The following USP32 variants were observed in gnomAD, a reference collection of about 807,000 sequenced individuals.
USP32 encodes ubiquitin carboxyl-terminal hydrolase 32.
USP32 carries 59 observed loss-of-function variants against 204.8 expected under a neutral mutation model. That is an observed-to-expected ratio of 0.29 (90% CI 0.23 to 0.36). The LOEUF (loss-of-function observed/expected upper bound fraction) is 0.36. Ranked by LOEUF, USP32 falls within the 10% of genes least tolerant of loss-of-function variation. The pLI is 1.00. For missense variants in USP32, 1,160 were observed against 1,946.4 expected, an observed-to-expected ratio of 0.60 and a Z score of 7.60; for synonymous variants, 517 against 678.4, an observed-to-expected ratio of 0.76 and a Z score of 3.70.
At chr17:60,200,089 G>A (rs2084635943) in intron 26 of USP32, among the ~76,000 whole-genome samples, 1 of 152,104 alleles carries the variant, frequency 6.6e-6, no homozygotes, top group Admixed American at 6.5e-5. Context: ...AGCTACTCGG[G>A]AGGCTGAGGC....
chr17:60,295,078 A>T (rs1470584007), intron 3 of USP32, among the ~76,000 whole-genome samples: 1 of 152,230 alleles, frequency 6.6e-6, no homozygotes. Context: ...CACTGTTAAT[A>T]GGAGCACAAA....
Position 60,200,560 on chromosome 17 carries a change from C to CAA in USP32, c.3250-2118_3250-2117dup, listed in dbSNP as rs1301527598. On this transcript the variant is annotated intron_variant, in intron 26 of 33. Transcript: ENST00000300896. ...GGGCAACAAGAGTGAAACTCCATTGCAAAAAAAAAAAAAAAGTACATTTCA... is the reference window on the plus strand; with the variant it reads ...GGGCAACAAGAGTGAAACTCCATTGCAAAAAAAAAAAAAAAAAGTACATTTCA... Among the ~76,000 whole-genome samples the CAA allele has an allele frequency of 3.1e-3, 330 of 106,638 alleles. 1 individual carries two copies. Among genetic ancestry groups the CAA allele is most frequent in the African/African-American group, 0.01 (303 of 30,238 alleles). The allele number at this position is 106,638 out of a possible 152,430, so 70.0% of individuals were successfully genotyped here.
At chr17:60,413,876 G>GAA (rs753405307) in intron 1 of USP32, among the ~76,000 whole-genome samples, 973 of 95,156 alleles carry the variant, frequency 0.01, 17 homozygotes, top group African/African-American at 0.035. Flanking sequence ...AAAAAAAAAA[G>GAA]AAAAAAAAAA....
At chr17:60,379,374 T>C (rs940572465) in intron 1 of USP32, among the ~76,000 whole-genome samples, 1 of 152,128 alleles carries the variant, frequency 6.6e-6, no homozygotes, top group Admixed American at 6.6e-5. Context: ...TTCACTGACA[T>C]AGGGAAATGC....
At chr17:60,368,301 T>C (rs1474382940) in intron 1 of USP32, among the ~76,000 whole-genome samples, 1 of 152,264 alleles carries the variant, frequency 6.6e-6, no homozygotes, top group Non-Finnish European at 1.5e-5. Flanking sequence ...TGTAATTTTT[T>C]AACGCAATAG....
At chr17:60,307,452 G>A (rs944645158) in intron 2 of USP32, among the ~76,000 whole-genome samples, 8 of 152,028 alleles carry the variant, frequency 5.3e-5, no homozygotes, top group Non-Finnish European at 8.8e-5. Context: ...TTACAAATTC[G>A]ATGCAATCCC....
chr17:60,246,047 G>A (rs2086015053), intron 11 of USP32, among the ~76,000 whole-genome samples: 1 of 151,772 alleles, frequency 6.6e-6, no homozygotes, highest in Admixed American at 6.6e-5. Context: ...GAATCTTCTA[G>A]CTAATTTGAA....
intron 1 of USP32, among the ~76,000 whole-genome samples, chr17:60,410,922 T>C (rs902922548): frequency 6.7e-6 from 1 of 148,432 alleles, no homozygotes; most frequent in South Asian, 2.1e-4. Context: ...CTACTAAAAA[T>C]ACAAAAATTA....
At chr17:60,238,428 G>C (rs768324709) in intron 11 of USP32, among the ~76,000 whole-genome samples, 1 of 152,078 alleles carries the variant, frequency 6.6e-6, no homozygotes, top group Non-Finnish European at 1.5e-5. Context: ...AGCACTTTGG[G>C]AGGCTGAGGC....
At chr17:60,277,727 G>A (rs968648977) in intron 5 of USP32, among the ~76,000 whole-genome samples, 1 of 152,122 alleles carries the variant, frequency 6.6e-6, no homozygotes, top group Admixed American at 6.5e-5. Flanking sequence ...TCAGAATCCA[G>A]ATTCTACCAT....
chr17:60,420,615 C>T (rs1165111567), intron 1 of USP32, among the ~76,000 whole-genome samples: 1 of 152,078 alleles, frequency 6.6e-6, no homozygotes, highest in Non-Finnish European at 1.5e-5. Flanking sequence ...TGCAGTGAGC[C>T]GAGATCACGC....
At chr17:60,181,193 A>G in intron 32 of USP32, 131 bp downstream of exon 32, 1 of 1,231,992 alleles carries the variant, frequency 8.1e-7, no homozygotes, top group Non-Finnish European at 1.1e-6. Flanking sequence ...TTTCTGTGTT[A>G]ACTTTGTCTA....
chr17:60,287,039 A>C (rs542529915), intron 5 of USP32, among the ~76,000 whole-genome samples: 4 of 152,074 alleles, frequency 2.6e-5, no homozygotes, highest in African/African-American at 9.7e-5. Flanking sequence ...AATCCCAGCT[A>C]CTCAGGAGGC....
At chr17:60,180,668 A>G in intron 32 of USP32, 31 bp from the exon 33 acceptor site, 1 of 1,605,054 alleles carries the variant, frequency 6.2e-7, no homozygotes, top group Admixed American at 1.7e-5. Context: ...GAGGTATGTT[A>G]GCAGTTAACT....
upstream of USP32, among the ~76,000 whole-genome samples, chr17:60,392,822 G>C (rs2089864743): frequency 6.6e-6 from 1 of 151,914 alleles, no homozygotes. Context: ...TCGCCTGCCC[G>C]GCCCACCTTC....
intron 1 of USP32, among the ~76,000 whole-genome samples, chr17:60,379,933 T>C: frequency 6.6e-6 from 1 of 152,266 alleles, no homozygotes; most frequent in East Asian, 1.9e-4. Flanking sequence ...TAAAAAAAGG[T>C]TACTCTTCAG....
At chr17:60,257,805 T>C (rs1473899331) in intron 9 of USP32, among the ~76,000 whole-genome samples, 1 of 152,050 alleles carries the variant, frequency 6.6e-6, no homozygotes, top group Non-Finnish European at 1.5e-5. Flanking sequence ...TGTTTTTTTT[T>C]TCCTTCAATC....
chr17:60,297,835 A>T (rs1401134534), intron 3 of USP32, among the ~76,000 whole-genome samples: 4 of 152,196 alleles, frequency 2.6e-5, no homozygotes. Context: ...AGCAATATTG[A>T]AAACAGTTGC....
Position 60,249,457 on chromosome 17 carries a change from A to G in USP32, c.1136+2924T>C, listed in dbSNP as rs2086113727. The G allele has an allele frequency of 2.5e-5, 10 of 408,136 alleles. No homozygotes were observed. In the East Asian group the frequency reaches 4.5e-4, roughly 18 times the overall value. The allele number at this position is 408,136 out of a possible 1,614,324, so 25.3% of individuals were successfully genotyped here. A position where few individuals can be genotyped will look rare whatever the true frequency, so the allele number is the denominator to read the frequency against. On this transcript the variant is annotated intron_variant, in intron 11 of 33. Coordinates refer to ENST00000300896, the MANE Select transcript of USP32 (RefSeq NM_032582.4). Reference sequence around the variant, plus strand: ...TTAAAAATTTGACTGGTCTGTTGTTAGTCTGCTGCTTCCCCTAACCAGTAT... The same window carrying G: ...TTAAAAATTTGACTGGTCTGTTGTTGGTCTGCTGCTTCCCCTAACCAGTAT...
Sources: allele counts gnomAD v4.1 joint callset (sites outside exome capture counted in the v4.1 genomes callset), GRCh38; gene constraint gnomAD v4.1.1; transcripts MANE v1.5; gene names NCBI Gene and HGNC (gene_info 2026-07-23, HGNC 2026-07-21).